The following CAMK1D variants were observed in gnomAD, a reference collection of about 807,000 sequenced individuals.
CAMK1D encodes calcium/calmodulin dependent protein kinase ID.
Under a neutral mutation model 47.7 loss-of-function variants are expected in CAMK1D, and 9 were observed. The observed-to-expected ratio is 0.19, with a 90% CI of 0.11 to 0.33. The LOEUF is 0.33. Ranked by LOEUF, CAMK1D falls within the 10% of genes least tolerant of loss-of-function variation. CAMK1D has a pLI of 1.00. For missense variants in CAMK1D, 291 were observed against 488.7 expected (o/e 0.60, Z 3.81); for synonymous variants, 184 against 184.9 (o/e 0.99, Z 0.04).
chr10:12,394,248 C>T (rs187961708), intron 1 of CAMK1D, among the ~76,000 whole-genome samples: 49 of 152,158 alleles, frequency 3.2e-4, no homozygotes, highest in African/African-American at 1.1e-3. Flanking sequence ...AGCAGGGGAG[C>T]GTGCCGTCCT....
intron 1 of CAMK1D, among the ~76,000 whole-genome samples, chr10:12,492,669 C>A (rs1471405782): frequency 6.6e-6 from 1 of 152,186 alleles, no homozygotes; most frequent in Non-Finnish European, 1.5e-5. Flanking sequence ...AATGCACGCA[C>A]AGCCACTGTT....
intron 6 of CAMK1D, among the ~76,000 whole-genome samples, chr10:12,805,585 G>A (rs1000633144): frequency 6.6e-6 from 1 of 152,016 alleles, no homozygotes; most frequent in African/African-American, 2.4e-5. Flanking sequence ...GGTCAGGCCG[G>A]TCTCAAACTC....
chr10:12,564,576 C>G lies in CAMK1D; in HGVS notation c.224+11220C>G, dbSNP rs45531641. ...AAGCTTAAAGTTGAGGTCAGAGGCT[C>G]TGATGATTGGTCTGAAGCCAGGTTT... is the stretch of plus-strand genomic sequence containing the variant. On this transcript the variant is annotated intron_variant, in intron 2 of 10. Coordinates refer to ENST00000619168, the MANE Select transcript of CAMK1D (RefSeq NM_153498.4). 4.7e-3 allele frequency among the ~76,000 whole-genome samples: 708 copies of G among 152,222 alleles called. 2 individuals carry two copies. Among genetic ancestry groups the G allele is most frequent in the Middle Eastern group, 0.034 (10 of 294 alleles).
rs191692483 is a variant in CAMK1D, at chr10:12,590,163, A to T, written c.224+36807A>T. Among the ~76,000 whole-genome samples the T allele has an allele frequency of 1.2e-4, 19 of 152,284 alleles. No individual in the cohort carries two copies. The East Asian group carries it at 3.3e-3, about 26-fold the overall frequency. On this transcript the variant is annotated intron_variant, in intron 2 of 10. Transcript: ENST00000619168. ...TACTTTATTTCTTGCTGCGGAGTTA[A>T]TGATATGCATATCTTTACTTCTCAA...
intron 2 of CAMK1D, among the ~76,000 whole-genome samples, chr10:12,595,397 A>C (rs978881810): frequency 1.1e-4 from 15 of 134,928 alleles, no homozygotes; most frequent in Admixed American, 2.5e-4. Context: ...TCTTTTGCTA[A>C]AGCTAGGAAC....
At chr10:12,432,687 T>C (rs2131993408) in intron 1 of CAMK1D, among the ~76,000 whole-genome samples, 1 of 152,278 alleles carries the variant, frequency 6.6e-6, no homozygotes, top group South Asian at 2.1e-4. Flanking sequence ...ATGGGTGAGT[T>C]GAATAATGAA....
chr10:12,813,656 A>G (rs1447232800), intron 6 of CAMK1D, among the ~76,000 whole-genome samples: 6 of 151,830 alleles, frequency 4.0e-5, no homozygotes, highest in South Asian at 2.1e-4. Flanking sequence ...TATTTATTAA[A>G]TCGCAGTTTT....
intron 1 of CAMK1D, among the ~76,000 whole-genome samples, chr10:12,419,528 C>T (rs1447690866): frequency 6.6e-6 from 1 of 152,098 alleles, no homozygotes; most frequent in Non-Finnish European, 1.5e-5. Flanking sequence ...AGACATGAGT[C>T]ACCGCTGTGG....
intron 10 of CAMK1D, 185 bp downstream of exon 10, chr10:12,825,875 G>A (rs1007057233): frequency 1.2e-5 from 11 of 929,532 alleles, no homozygotes; most frequent in East Asian, 1.1e-4. Flanking sequence ...AGTGGCTCAC[G>A]CCTGTAATCC....
At chr10:12,499,823 A>T (rs1168013245) in intron 1 of CAMK1D, among the ~76,000 whole-genome samples, 1 of 152,122 alleles carries the variant, frequency 6.6e-6, no homozygotes, top group Admixed American at 6.6e-5. Flanking sequence ...CTGGAACCTC[A>T]CCATAGCTCT....
intron 2 of CAMK1D, among the ~76,000 whole-genome samples, chr10:12,651,003 C>T (rs1319419711): frequency 6.6e-6 from 1 of 152,212 alleles, no homozygotes; most frequent in Non-Finnish European, 1.5e-5. Context: ...TCACACATCC[C>T]GACGGGGCTT....
chr10:12,828,643 GAA>G (rs55888132), intron 10 of CAMK1D, 124 bp from the exon 11 acceptor site: 22 of 465,156 alleles, frequency 4.7e-5, no homozygotes, highest in Admixed American at 2.9e-4. Flanking sequence ...TCCATCTCAA[GAA>G]AAAAAAAAAA....
intron 2 of CAMK1D, among the ~76,000 whole-genome samples, chr10:12,597,213 A>G (rs1274758503): frequency 6.6e-6 from 1 of 152,194 alleles, no homozygotes; most frequent in African/African-American, 2.4e-5. Context: ...TGAAAACTGC[A>G]CGTGGTCTGT....
intron 8 of CAMK1D, among the ~76,000 whole-genome samples, chr10:12,824,098 G>A (rs1833110311): frequency 6.6e-6 from 1 of 152,110 alleles, no homozygotes; most frequent in African/African-American, 2.4e-5. Context: ...TTGTGTGGAG[G>A]CAGAGGGGAT....
chr10:12,548,034 C>G (rs1836454216), intron 1 of CAMK1D, among the ~76,000 whole-genome samples: 1 of 152,188 alleles, frequency 6.6e-6, no homozygotes, highest in African/African-American at 2.4e-5. Context: ...CGCACACGCC[C>G]TGGTAGCCAC....
chr10:12,375,662 C>T (rs958544326), intron 1 of CAMK1D, among the ~76,000 whole-genome samples: 2 of 152,160 alleles, frequency 1.3e-5, no homozygotes, highest in Non-Finnish European at 2.9e-5. Context: ...TTGGGTATCC[C>T]GATTGCCTGT....
chr10:12,558,464 G>A (rs1836834124), intron 2 of CAMK1D, among the ~76,000 whole-genome samples: 2 of 152,108 alleles, frequency 1.3e-5, no homozygotes, highest in African/African-American at 4.8e-5. Context: ...TGAGGCAGGA[G>A]AATTGTTTGA....
chr10:12,701,670 A>G (rs543619765), intron 3 of CAMK1D, among the ~76,000 whole-genome samples: 47 of 152,308 alleles, frequency 3.1e-4, no homozygotes, highest in Non-Finnish European at 4.4e-4. Flanking sequence ...ATTTCCCAGT[A>G]TTCTTTTTAG....
At chr10:12,696,145 C>G (rs932141226) in intron 3 of CAMK1D, among the ~76,000 whole-genome samples, 6 of 152,172 alleles carry the variant, frequency 3.9e-5, no homozygotes, top group African/African-American at 1.2e-4. Context: ...GGAAATCTTG[C>G]CATACTTTTG....
Sources: allele counts gnomAD v4.1 joint callset (sites outside exome capture counted in the v4.1 genomes callset), GRCh38; gene constraint gnomAD v4.1.1; transcripts MANE v1.5; gene names NCBI Gene and HGNC (gene_info 2026-07-23, HGNC 2026-07-21).